TAGAP: variants seen among roughly 807,000 people sequenced by gnomAD.
TAGAP encodes T cell activation RhoGTPase activating protein, also known as T-cell activation Rho GTPase-activating protein.
TAGAP carries 16 observed loss-of-function variants against 36.0 expected under a neutral mutation model. That is an observed-to-expected ratio of 0.44 (90% CI 0.30 to 0.68). The LOEUF (loss-of-function observed/expected upper bound fraction) is 0.68. Ranked by LOEUF, TAGAP falls within the 30% of genes least tolerant of loss-of-function variation. The pLI, the probability that TAGAP is intolerant of heterozygous loss-of-function variation, is 0.09. For missense variants in TAGAP, 794 were observed against 921.5 expected, an observed-to-expected ratio of 0.86 and a Z score of 1.79; for synonymous variants, 372 against 377.4, an observed-to-expected ratio of 0.99 and a Z score of 0.17.
rs564668457 is a variant in TAGAP, at chr6:159,042,333, G to A, written c.149-89C>T. The A allele has an allele frequency of 2.2e-5, 34 of 1,529,848 alleles. No individual in the cohort carries two copies. In the African/African-American group the frequency reaches 3.7e-4, roughly 17 times the overall value. 94.8% of individuals were successfully genotyped at this position (1,529,848 alleles called of 1,614,324 possible). A position where few individuals can be genotyped will look rare whatever the true frequency, so the allele number is the denominator to read the frequency against. On this transcript the variant is annotated intron_variant, in intron 4 of 9. Transcript: ENST00000367066. ...GGTAAGAAAATGGGTATCGTTGGCC[G>A]CATAATGTGGTCAATAGTATGCGAT...
chr6:159,039,300 A>G lies in TAGAP; in HGVS notation c.597T>C (p.Asp199=), dbSNP rs761288174. The G allele has an allele frequency of 3.8e-5, 62 of 1,612,578 alleles. No individual in the cohort carries two copies. Among genetic ancestry groups the G allele is most frequent in the Non-Finnish European group, 4.9e-5 (58 of 1,179,666 alleles). ...DRIEALKQVA[D]KLPRPNLLLL... The stretch of plus-strand genomic sequence containing the variant: ...GCAGGAGGTTGGGCCGGGGGAGCTT[A>G]TCTGCAACCCTGGAATAAAGTGAAG... Residue 199 remains aspartate, a synonymous_variant, in exon 8 of 10, where the codon GAT becomes GAC. Coordinates refer to ENST00000367066, the MANE Select transcript of TAGAP (RefSeq NM_054114.5).
At position 159,042,072 on chromosome 6, in the gene TAGAP, G is replaced by A. The variant is rs375680632; in HGVS notation, c.315+6C>T. ...GAAGTAGGTTTATGAGAGAATGCACGCCTACCTGGATGGGTCTGGGGAGTG... is the reference window on the plus strand; with the variant it reads ...GAAGTAGGTTTATGAGAGAATGCACACCTACCTGGATGGGTCTGGGGAGTG... On this transcript the variant is annotated splice_donor_region_variant and intron_variant, in intron 5 of 9. Transcript: ENST00000367066. 40 of 1,607,894 alleles carry A rather than the reference G, an allele frequency of 2.5e-5. No individual in the cohort carries two copies. In the Admixed American group the frequency reaches 2.7e-4, roughly 11 times the overall value.
chr6:159,042,528 T>G (rs1779793326), intron 4 of TAGAP: 3 of 409,702 alleles, frequency 7.3e-6, no homozygotes, highest in Non-Finnish European at 8.2e-6. Flanking sequence ...TCCAGCTGTT[T>G]GCTACAGAAA....
chr6:159,044,238 G>A, intron 1 of TAGAP, 34 bp from the exon 2 acceptor site: 1 of 1,405,914 alleles, frequency 7.1e-7, no homozygotes, highest in Non-Finnish European at 9.7e-7. Context: ...AGTTAGGAGG[G>A]ACTCACACAG....
At chr6:159,040,607 C>T (rs1583776824) in intron 7 of TAGAP, 116 bp downstream of exon 7, 1 of 861,516 alleles carries the variant, frequency 1.2e-6, no homozygotes, top group East Asian at 2.6e-5. Flanking sequence ...ACTCGGATTC[C>T]CTAAACATCA....
chr6:159,037,794 G>A lies in TAGAP; in HGVS notation c.898+320C>T. Among the ~76,000 whole-genome samples, 1 of 152,160 alleles carries A rather than the reference G, an allele frequency of 6.6e-6. No homozygotes were observed. Among genetic ancestry groups the A allele is most frequent in the Middle Eastern group, 3.2e-3 (1 of 316 alleles). ...CTTTTACTGGACCCATTTTCATTGTGATGGAGTCATATCCCATGAAGTGGA... is the reference window on the plus strand; with the variant it reads ...CTTTTACTGGACCCATTTTCATTGTAATGGAGTCATATCCCATGAAGTGGA... On this transcript the variant is annotated intron_variant, in intron 9 of 9. Coordinates refer to ENST00000367066, the MANE Select transcript of TAGAP (RefSeq NM_054114.5). This position sits in a 1 kb window ranked among gnomAD's most constrained non-coding sequence, Gnocchi z 5.1.
At chr6:159,040,056 G>A (rs2114792455) in intron 7 of TAGAP, among the ~76,000 whole-genome samples, 1 of 152,272 alleles carries the variant, frequency 6.6e-6, no homozygotes, top group Admixed American at 6.5e-5. Flanking sequence ...TTAGCCATGT[G>A]GGACAATTAT....
Position 159,043,607 on chromosome 6 carries a change from T to C in TAGAP, c.130A>G (p.Ser44Gly), listed in dbSNP as rs140990019. ...AACTCACCAATGAGCTGGCAAATACTGTCTTCACTCTCACATGATGCCAAC... is the reference window on the plus strand; with the variant it reads ...AACTCACCAATGAGCTGGCAAATACCGTCTTCACTCTCACATGATGCCAAC... Reference protein sequence around the residue: ...PLLASCESEDSICQLIEVKKR... With the variant: ...PLLASCESEDGICQLIEVKKR... Residue 44 changes from serine to glycine, a missense_variant, in exon 4 of 10, where the codon AGT becomes GGT. By Grantham distance (56) the Ser-to-Gly change is moderately conservative (BLOSUM62 0). Coordinates refer to ENST00000367066, the MANE Select transcript of TAGAP (RefSeq NM_054114.5). The C allele has an allele frequency of 6.2e-7, 1 of 1,613,998 alleles. No homozygotes were observed. Among genetic ancestry groups the C allele is most frequent in the Non-Finnish European group, 8.5e-7 (1 of 1,179,962 alleles).
In TAGAP at chr6:159,044,142, T is replaced by C. The variant is rs1779854120; in HGVS notation, c.5A>G (p.Lys2Arg). The C allele has an allele frequency of 1.9e-6, 3 of 1,613,654 alleles. No individual in the cohort carries two copies. The highest frequency in any genetic ancestry group is 2.5e-6 in the Non-Finnish European group (3 of 1,179,976). Residue 2 changes from lysine to arginine, a missense_variant, in exon 2 of 10, where the codon AAG becomes AGG. Coordinates refer to ENST00000367066, the MANE Select transcript of TAGAP (RefSeq NM_054114.5). The stretch of plus-strand genomic sequence containing the variant: ...CACAGCATTGTGGCTGCTTCTCAGC[T>C]TCATCAGTATTGCGGCTGACTGTCC... M[K>R]LRSSHNASKT...
At chr6:159,044,333 C>T in intron 1 of TAGAP, 129 bp from the exon 2 acceptor site, 2 of 575,746 alleles carry the variant, frequency 3.5e-6, no homozygotes, top group Non-Finnish European at 5.8e-6. Context: ...TTTCACTTGC[C>T]TTTACTTTGG....
intron 4 of TAGAP, 28 bp downstream of exon 4, chr6:159,043,561 A>G (rs369847236): frequency 2.7e-4 from 432 of 1,610,902 alleles, no homozygotes; most frequent in Non-Finnish European, 3.5e-4. Context: ...GCACTTACAT[A>G]AAAGATCGGT....
At chr6:159,040,275 G>A (rs762330895) in intron 7 of TAGAP, among the ~76,000 whole-genome samples, 1 of 152,108 alleles carries the variant, frequency 6.6e-6, no homozygotes, top group Non-Finnish European at 1.5e-5. Flanking sequence ...CAAAACAACT[G>A]CCCCCCACCA....
intron 6 of TAGAP, 120 bp from the exon 7 acceptor site, chr6:159,040,952 C>T: frequency 1.4e-6 from 1 of 714,322 alleles, no homozygotes; most frequent in Admixed American, 2.6e-5. Flanking sequence ...TAGATTGTGG[C>T]CCTTCATTCC....
At chr6:159,044,761 TTA>T (rs1256155887) in intron 1 of TAGAP, 116 bp downstream of exon 1, 2 of 393,136 alleles carry the variant, frequency 5.1e-6, no homozygotes, top group African/African-American at 2.1e-5. Flanking sequence ...TCCTGAGACT[TTA>T]TAAAGTGAGA....
intron 7 of TAGAP, among the ~76,000 whole-genome samples, chr6:159,040,088 A>G (rs1303587791): frequency 6.6e-6 from 1 of 152,236 alleles, no homozygotes; most frequent in Non-Finnish European, 1.5e-5. Flanking sequence ...AAACTTTCAT[A>G]GGATGTGACA....
intron 8 of TAGAP, 142 bp from the exon 9 acceptor site, chr6:159,038,370 A>G (rs1043497824): frequency 5.3e-6 from 3 of 566,992 alleles, no homozygotes; most frequent in African/African-American, 1.9e-5. Flanking sequence ...AAGAGCATAC[A>G]GAAATTTGGT....
At position 159,043,765 on chromosome 6, in the gene TAGAP, G is replaced by C. The variant is rs532401520; in HGVS notation, c.82-110C>G. 60 of 1,168,800 alleles carry C rather than the reference G, an allele frequency of 5.1e-5. No homozygotes were observed. The African/African-American group carries it at 8.5e-4, about 16-fold the overall frequency. 72.4% of individuals were successfully genotyped at this position (1,168,800 alleles called of 1,614,324 possible). On this transcript the variant is annotated intron_variant, in intron 3 of 9. Transcript: ENST00000367066. Reference sequence around the variant, plus strand: ...ATTCATATTAAAAATGAAGTCAGTAGAGTGCATTGATGTTTTTTCTAGCTT... The same window carrying C: ...ATTCATATTAAAAATGAAGTCAGTACAGTGCATTGATGTTTTTTCTAGCTT...
Position 159,036,321 on chromosome 6 carries a change from C to T in TAGAP, c.1702G>A (p.Gly568Ser), listed in dbSNP as rs1371012217. The T allele has an allele frequency of 4.3e-6, 7 of 1,613,780 alleles. No homozygotes were observed. Among genetic ancestry groups the T allele is most frequent in the South Asian group, 1.1e-5 (1 of 91,052 alleles). The change falls in exon 10 of 10, where the codon GGC (glycine) becomes AGC (serine). Residue 568 changes from glycine to serine, a missense_variant. By Grantham distance (56) the Gly-to-Ser change is moderately conservative (BLOSUM62 0). Transcript: ENST00000367066. The surrounding 1 kb of genome is among the most constrained non-coding windows in gnomAD (Gnocchi z 4.9). ...GCETHNQTAR[G>S]FCLRPHALSV... is the part of the protein sequence containing the mutation. Reference sequence around the variant, plus strand: ...AGGGCGTGGGGTCTCAGGCAGAAGCCGCGGGCTGTTTGGTTGTGGGTTTCA... The same window carrying T: ...AGGGCGTGGGGTCTCAGGCAGAAGCTGCGGGCTGTTTGGTTGTGGGTTTCA...
At chr6:159,044,803 T>G (rs1167462535) in intron 1 of TAGAP, 76 bp downstream of exon 1, 3 of 397,094 alleles carry the variant, frequency 7.6e-6, no homozygotes, top group African/African-American at 2.1e-5. Context: ...TGTTTTCTGT[T>G]GCCTGTGATC....
Sources: gnomAD v4.1 joint callset for allele counts (sites outside exome capture counted in the v4.1 genomes callset) on GRCh38, gnomAD v4.1.1 for gene constraint, Gnocchi (gnomAD v3.1) non-coding constraint, MANE v1.5 for transcripts, NCBI Gene and HGNC (gene_info 2026-07-23, HGNC 2026-07-21) for gene names.